The following SCNN1B variants were observed in gnomAD, a reference collection of about 807,000 sequenced individuals.
SCNN1B encodes epithelial sodium channel subunit beta.
Under a neutral mutation model 65.3 loss-of-function variants are expected in SCNN1B, and 46 were observed. The observed-to-expected ratio is 0.70, with a 90% CI of 0.56 to 0.90. The LOEUF is 0.90. Among genes scored for constraint, SCNN1B ranks in the 40% least tolerant of loss-of-function variants. SCNN1B has a pLI of 0.00. For synonymous variants in SCNN1B, 349 were observed against 330.6 expected (o/e 1.06, Z -0.60); for missense variants, 751 against 830.5 (o/e 0.90, Z 1.18).
chr16:23,355,830 C>A lies in SCNN1B; in HGVS notation c.776+341C>A, dbSNP rs903224313. The stretch of plus-strand genomic sequence containing the variant: ...GGGCGTGGTGGGTGGGTGGCTTACC[C>A]CTGTAGTCCCAGCACTTTGTGAGGT... On this transcript the variant is annotated intron_variant, in intron 4 of 12. Transcript: ENST00000343070. Among the ~76,000 whole-genome samples the A allele has an allele frequency of 3.3e-5, 5 of 152,202 alleles. No individual in the cohort carries two copies. In the South Asian group the frequency reaches 1.0e-3, roughly 32 times the overall value.
intron 9 of SCNN1B, 44 bp from the exon 10 acceptor site, chr16:23,377,285 G>A (rs2142045399): frequency 1.2e-6 from 2 of 1,613,976 alleles, no homozygotes; most frequent in East Asian, 2.2e-5. Context: ...GCATGGAGGG[G>A]CATCACTGGC....
intron 1 of SCNN1B, among the ~76,000 whole-genome samples, chr16:23,312,452 G>C (rs1042711306): frequency 6.6e-6 from 1 of 151,980 alleles, no homozygotes; most frequent in African/African-American, 2.4e-5. Context: ...GGAATTTGAG[G>C]GGACCGTGAG....
chr16:23,291,581 T>C (rs527958163), intron 2 of SCNN1B, among the ~76,000 whole-genome samples: 2 of 151,862 alleles, frequency 1.3e-5, no homozygotes, highest in East Asian at 3.9e-4. Context: ...TTATTTTTTA[T>C]TATATTTTTT....
intron 4 of SCNN1B, among the ~76,000 whole-genome samples, chr16:23,357,809 G>C (rs1213222589): frequency 6.6e-6 from 1 of 152,152 alleles, no homozygotes; most frequent in Non-Finnish European, 1.5e-5. Context: ...CTGTGTTTCA[G>C]CCTCACTGTC....
chr16:23,282,271 C>T (rs983994165), intron 1 of SCNN1B, among the ~76,000 whole-genome samples: 3 of 152,062 alleles, frequency 2.0e-5, no homozygotes, highest in African/African-American at 7.2e-5. Flanking sequence ...AATTAGTACC[C>T]CCCAAAATGA....
intron 2 of SCNN1B, among the ~76,000 whole-genome samples, chr16:23,290,268 T>A (rs1444016990): frequency 1.3e-5 from 2 of 152,266 alleles, no homozygotes; most frequent in African/African-American, 4.8e-5. Context: ...CTATTATTGT[T>A]ATTGAAATTA....
At chr16:23,372,968 G>A (rs1225691287) in intron 7 of SCNN1B, among the ~76,000 whole-genome samples, 3 of 151,568 alleles carry the variant, frequency 2.0e-5, no homozygotes, top group East Asian at 2.0e-4. Context: ...TTAGCCAGGC[G>A]TCGTGGCACA....
At position 23,355,353 on chromosome 16, in the gene SCNN1B, G is replaced by A; in HGVS notation, c.640G>A (p.Ala214Thr). ...CCGGAACTTCACCAGTGCTACCCAG[G>A]CATTGACAGAGTGGTACATCCTGCA... ...TFRNFTSATQALTEWYILQAT... is the reference protein window; with the variant it reads ...TFRNFTSATQTLTEWYILQAT... The change falls in exon 4 of 13, where the codon GCA becomes ACA. Residue 214 changes from alanine to threonine, a missense_variant. Physicochemically the swap from Ala to Thr is moderately conservative, Grantham distance 58 (BLOSUM62 0). Transcript: ENST00000343070. The A allele has an allele frequency of 6.2e-7, 1 of 1,614,178 alleles. No individual in the cohort carries two copies. Among genetic ancestry groups the A allele is most frequent in the Non-Finnish European group, 8.5e-7 (1 of 1,180,034 alleles).
intron 1 of SCNN1B, among the ~76,000 whole-genome samples, chr16:23,307,295 CTT>C (rs761118487): frequency 6.4e-4 from 73 of 113,278 alleles, no homozygotes; most frequent in African/African-American, 1.8e-3. Context: ...GCCTGTGCTC[CTT>C]TTTTTTTTTT....
chr16:23,312,193 C>T (rs891443145), intron 1 of SCNN1B, among the ~76,000 whole-genome samples: 4 of 152,152 alleles, frequency 2.6e-5, no homozygotes, highest in Non-Finnish European at 5.9e-5. Flanking sequence ...TGGTCTCAAA[C>T]TCCTGGGCTC....
intron 4 of SCNN1B, among the ~76,000 whole-genome samples, chr16:23,357,400 T>C (rs1356707252): frequency 6.6e-6 from 1 of 152,230 alleles, no homozygotes; most frequent in Non-Finnish European, 1.5e-5. Flanking sequence ...CTGGCCAACA[T>C]GGCGAAACCT....
At chr16:23,340,918 A>G (rs1351942003) in intron 1 of SCNN1B, among the ~76,000 whole-genome samples, 1 of 150,190 alleles carries the variant, frequency 6.7e-6, no homozygotes, top group Non-Finnish European at 1.5e-5. Flanking sequence ...GTGTGTGTGC[A>G]TGTGTACACA....
rs371517385 is a variant in SCNN1B, at chr16:23,355,511, C to T, written c.776+22C>T. ...ACCGGTGAGAGCCACCCCAAGCCCACCCGGCCAGGCCCTGGCACCGAGAGA... is the reference window on the plus strand; with the variant it reads ...ACCGGTGAGAGCCACCCCAAGCCCATCCGGCCAGGCCCTGGCACCGAGAGA... On this transcript the variant is annotated intron_variant, in intron 4 of 12. Transcript: ENST00000343070. 2.5e-6 allele frequency: 4 copies of T among 1,612,136 alleles called. No homozygotes were observed. The African/African-American group carries it at 4.0e-5, about 16-fold the overall frequency.
At chr16:23,303,967 C>T in intron 1 of SCNN1B, 3 of 930,582 alleles carry the variant, frequency 3.2e-6, no homozygotes, top group Middle Eastern at 4.1e-4. Context: ...CTATGTCATT[C>T]TGCAACTTGA....
chr16:23,305,562 ATATATATATATATATT>A (rs1961190506), intron 1 of SCNN1B, among the ~76,000 whole-genome samples: 1 of 42,530 alleles, frequency 2.4e-5, no homozygotes, highest in Non-Finnish European at 3.8e-5. Flanking sequence ...ATATATATAT[ATATATATATATATATT>A]ATATATATAT....
At chr16:23,377,022 GC>G in intron 8 of SCNN1B, 142 bp from the exon 9 acceptor site, 3 of 758,334 alleles carry the variant, frequency 4.0e-6, no homozygotes, top group Non-Finnish European at 6.9e-6. Context: ...TGGGTGGGGA[GC>G]GGTGATTTTT....
intron 7 of SCNN1B, among the ~76,000 whole-genome samples, chr16:23,374,364 AGGAGTTC>A (rs948713216): frequency 2.0e-5 from 3 of 150,478 alleles, no homozygotes; most frequent in African/African-American, 7.3e-5. Context: ...ACTTGAGGTC[AGGAGTTC>A]GAGACCAGCC....
intron 4 of SCNN1B, among the ~76,000 whole-genome samples, chr16:23,363,610 C>T (rs1330982097): frequency 6.6e-6 from 1 of 152,120 alleles, no homozygotes; most frequent in Non-Finnish European, 1.5e-5. Flanking sequence ...GCCAGGAGTT[C>T]AAGACCAGCC....
chr16:23,331,144 G>C (rs963119466), intron 1 of SCNN1B, among the ~76,000 whole-genome samples: 14 of 152,130 alleles, frequency 9.2e-5, no homozygotes, highest in African/African-American at 3.1e-4. Flanking sequence ...GAAGAGGGTG[G>C]CAGGTCTCTG....
Sources: gnomAD v4.1 joint callset for allele counts (sites outside exome capture counted in the v4.1 genomes callset) on GRCh38, gnomAD v4.1.1 for gene constraint, MANE v1.5 for transcripts, NCBI Gene and HGNC (gene_info 2026-07-23, HGNC 2026-07-21) for gene names.